MCCC2: variants seen among roughly 807,000 people sequenced by gnomAD.
MCCC2 encodes methylcrotonoyl-CoA carboxylase beta chain, mitochondrial.
MCCC2 carries 52 observed loss-of-function variants against 77.2 expected under a neutral mutation model. The ratio of observed to expected loss-of-function variants is 0.67; its 90% CI spans 0.54 to 0.85. The LOEUF is 0.85. MCCC2 is among the 40% of genes least tolerant of loss of function. The probability of loss-of-function intolerance (pLI) is 0.00; values close to 1 mark genes in which losing one functional copy is unlikely to be tolerated. For missense variants in MCCC2, 682 were observed against 703.2 expected (o/e 0.97, Z 0.34); for synonymous variants, 253 against 248.4 (o/e 1.02, Z -0.18).
intron 6 of MCCC2, among the ~76,000 whole-genome samples, chr5:71,609,202 C>T (rs1745814372): frequency 1.3e-5 from 2 of 150,306 alleles, no homozygotes; most frequent in African/African-American, 4.9e-5. Flanking sequence ...CTTTCAGGTA[C>T]ACCAATCAGA....
chr5:71,652,615 AAC>A (rs1238797566), intron 15 of MCCC2, 52 bp from the exon 16 acceptor site: 1 of 1,367,424 alleles, frequency 7.3e-7, no homozygotes, highest in Non-Finnish European at 1.0e-6. Context: ...AGATGATCTA[AAC>A]AGGGCCAGTT....
chr5:71,655,039 G>C (rs1214406505), intron 16 of MCCC2, among the ~76,000 whole-genome samples: 3 of 152,108 alleles, frequency 2.0e-5, no homozygotes, highest in Admixed American at 6.5e-5. Flanking sequence ...TCTCCATGTT[G>C]GTCAGGCTTG....
chr5:71,653,651 A>T lies in MCCC2; in HGVS notation c.1574+897A>T, dbSNP rs534843337. On this transcript the variant is annotated intron_variant, in intron 16 of 16. Transcript: ENST00000340941. ...GATTGCTTGAGCCCAGGAGTTCGAAACTAGCGGGGCAACATGGTGAGACCC... is the reference window on the plus strand; with the variant it reads ...GATTGCTTGAGCCCAGGAGTTCGAATCTAGCGGGGCAACATGGTGAGACCC... 9.6e-4 allele frequency among the ~76,000 whole-genome samples: 146 copies of T among 152,090 alleles called. No individual in the cohort carries two copies. The South Asian group carries it at 0.022, about 23-fold the overall frequency.
chr5:71,601,589 T>G (rs968018201), intron 4 of MCCC2, among the ~76,000 whole-genome samples: 2 of 152,182 alleles, frequency 1.3e-5, no homozygotes, highest in Non-Finnish European at 2.9e-5. Flanking sequence ...TGGCCACATA[T>G]CCTAGTATGA....
intron 6 of MCCC2, among the ~76,000 whole-genome samples, chr5:71,614,469 C>T (rs1281748151): frequency 6.7e-6 from 1 of 149,502 alleles, no homozygotes; most frequent in African/African-American, 2.5e-5. Context: ...AGTGAGACCC[C>T]ATCTCTCTCT....
intron 6 of MCCC2, among the ~76,000 whole-genome samples, chr5:71,607,372 T>C (rs1049472187): frequency 6.6e-6 from 1 of 151,652 alleles, no homozygotes; most frequent in Admixed American, 6.6e-5. Context: ...GTAGAGGTGT[T>C]TGTAGTATTC....
At chr5:71,602,901 A>G (rs1745501683) in intron 5 of MCCC2, 2 of 457,768 alleles carry the variant, frequency 4.4e-6, no homozygotes, top group Admixed American at 4.0e-5. Context: ...TTTGTTCTCT[A>G]GATCCTGTTT....
intron 10 of MCCC2, 52 bp downstream of exon 10, chr5:71,635,298 A>T: frequency 6.7e-7 from 1 of 1,485,810 alleles, no homozygotes; most frequent in Non-Finnish European, 9.4e-7. Flanking sequence ...GTCTCTTTGT[A>T]TGTGTATCTA....
At chr5:71,638,003 C>A (rs999495759) in intron 10 of MCCC2, among the ~76,000 whole-genome samples, 1 of 152,162 alleles carries the variant, frequency 6.6e-6, no homozygotes, top group African/African-American at 2.4e-5. Flanking sequence ...TCACCCACCG[C>A]GCCTGGCCCA....
At chr5:71,625,956 A>C (rs1300457516) in intron 6 of MCCC2, among the ~76,000 whole-genome samples, 1 of 152,206 alleles carries the variant, frequency 6.6e-6, no homozygotes, top group Admixed American at 6.5e-5. Context: ...GTTCAATCCT[A>C]TTTAGGAGTC....
rs531430918 is a variant in MCCC2, at chr5:71,634,719, T to C, written c.804-224T>C. 1.0e-3 allele frequency among the ~76,000 whole-genome samples: 158 copies of C among 152,340 alleles called. 2 individuals are homozygous for C. Among genetic ancestry groups the C allele is most frequent in the African/African-American group, 2.9e-3 (120 of 41,586 alleles). ...GTCTTAGGTGAAGGTACTTAACTTA[T>C]GCGTACTTCAGCTTTTCCTGTTTGT... On this transcript the variant is annotated intron_variant, in intron 8 of 16. Coordinates refer to ENST00000340941, the MANE Select transcript of MCCC2 (RefSeq NM_022132.5).
rs34190236 is a variant in MCCC2, at chr5:71,598,606, ATTTTTT to A, written c.282-1037_282-1032del. Among the ~76,000 whole-genome samples the A allele has an allele frequency of 8.9e-4, 103 of 115,334 alleles. 1 individual carries two copies. The highest frequency in any genetic ancestry group is 3.2e-3 in the African/African-American group (97 of 30,452). 75.7% of individuals were successfully genotyped at this position (115,334 alleles called of 152,430 possible). ...AGGCACGTGCCTCCACGCCTGGCTA[ATTTTTT>A]TTTTTTTTTTTTTTTGTATTTTTAG... is the stretch of plus-strand genomic sequence containing the variant. On this transcript the variant is annotated intron_variant, in intron 3 of 16. Coordinates refer to ENST00000340941, the MANE Select transcript of MCCC2 (RefSeq NM_022132.5).
At chr5:71,592,811 G>A (rs934113773) in intron 1 of MCCC2, 115 bp from the exon 2 acceptor site, 38 of 828,918 alleles carry the variant, frequency 4.6e-5, no homozygotes, top group Non-Finnish European at 7.1e-5. Context: ...CCAGTGTGGC[G>A]GCCACACAGA....
intron 6 of MCCC2, among the ~76,000 whole-genome samples, chr5:71,614,764 A>G (rs985063112): frequency 2.0e-5 from 3 of 152,054 alleles, no homozygotes; most frequent in African/African-American, 7.2e-5. Context: ...GATTACAGGT[A>G]TGAGCCACTG....
Position 71,602,550 on chromosome 5 carries a change from G to GT in MCCC2, c.429dup (p.Ala144CysfsTer29). 1 of 1,614,106 alleles carries GT rather than the reference G, an allele frequency of 6.2e-7. No homozygotes were observed. The highest frequency in any genetic ancestry group is 8.5e-7 in the Non-Finnish European group (1 of 1,180,020). ...GCCAATGATGCCACCGTCAAAGGAG[G>GT]TGCCTACTACCCAGTGACTGTGAAA... is the stretch of plus-strand genomic sequence containing the variant. On this transcript the variant is annotated frameshift_variant, in exon 5 of 17. Coordinates refer to ENST00000340941, the MANE Select transcript of MCCC2 (RefSeq NM_022132.5). LOFTEE classifies it high-confidence loss of function.
intron 5 of MCCC2, chr5:71,602,865 C>T: frequency 5.3e-6 from 3 of 564,206 alleles, no homozygotes; most frequent in Non-Finnish European, 9.0e-6. Flanking sequence ...CAGTTTTTTT[C>T]TCTATGTGTT....
At chr5:71,590,940 ACT>A (rs545457484) in intron 1 of MCCC2, among the ~76,000 whole-genome samples, 128 of 152,228 alleles carry the variant, frequency 8.4e-4, no homozygotes, top group African/African-American at 3.0e-3. Context: ...AAAGTTACAT[ACT>A]TTTTTCTGCT....
chr5:71,590,681 G>A (rs1744937537), intron 1 of MCCC2, among the ~76,000 whole-genome samples: 1 of 152,152 alleles, frequency 6.6e-6, no homozygotes, highest in Non-Finnish European at 1.5e-5. Context: ...CCTGGGCATG[G>A]TGGCGCACGC....
rs60069076 is a variant in MCCC2, at chr5:71,657,453, G to T, written c.*593G>T. 14,502 of 152,624 alleles carry T rather than the reference G, an allele frequency of 0.095. 751 individuals carry two copies. Among genetic ancestry groups the T allele is most frequent in the South Asian group, 0.19 (905 of 4,826 alleles). The allele number at this position is 152,624 out of a possible 1,614,324, so 9.5% of individuals were successfully genotyped here. A position where few individuals can be genotyped will look rare whatever the true frequency, so the allele number is the denominator to read the frequency against. On this transcript the variant is annotated 3_prime_UTR_variant, in exon 17 of 17. Coordinates refer to ENST00000340941, the MANE Select transcript of MCCC2 (RefSeq NM_022132.5). ...ATTATTATTTTTTTTTTGAGACAGG[G>T]TGTTTCTCTGTTGCCCAGGCTGGAG...
Sources: allele counts gnomAD v4.1 joint callset (sites outside exome capture counted in the v4.1 genomes callset), GRCh38; gene constraint gnomAD v4.1.1; transcripts MANE v1.5; gene names NCBI Gene and HGNC (gene_info 2026-07-23, HGNC 2026-07-21).